TAFA4: variants seen among roughly 807,000 people sequenced by gnomAD.
TAFA4 encodes the protein chemokine-like protein TAFA-4.
TAFA4 carries 20 observed loss-of-function variants against 21.1 expected under a neutral mutation model. The observed-to-expected ratio is 0.95, with a 90% CI of 0.67 to 1.38. TAFA4 has a LOEUF of 1.38. Among genes scored for constraint, TAFA4 ranks in the 40% most tolerant of loss-of-function variants. The pLI, the probability that TAFA4 is intolerant of heterozygous loss-of-function variation, is 0.00. For synonymous variants in TAFA4, 71 were observed against 67.4 expected (o/e 1.05, Z -0.26); for missense variants, 211 against 180.9 (o/e 1.17, Z -0.95).
intron 3 of TAFA4, among the ~76,000 whole-genome samples, chr3:68,842,884 A>G (rs1243592942): frequency 6.6e-6 from 1 of 152,030 alleles, no homozygotes; most frequent in Non-Finnish European, 1.5e-5. Context: ...GTTCTGTTTC[A>G]TTGGTCTATG....
At chr3:68,764,265 T>C (rs944041510) in intron 3 of TAFA4, among the ~76,000 whole-genome samples, 8 of 152,008 alleles carry the variant, frequency 5.3e-5, no homozygotes, top group Non-Finnish European at 7.4e-5. Flanking sequence ...TGTGAAAACA[T>C]AGCAAAAAGA....
At chr3:68,817,904 T>G (rs1704024695) in intron 3 of TAFA4, among the ~76,000 whole-genome samples, 1 of 152,152 alleles carries the variant, frequency 6.6e-6, no homozygotes, top group Admixed American at 6.5e-5. Context: ...TTTTCAGGGT[T>G]GTAAATGAGC....
chr3:68,869,137 C>A (rs1418915911), intron 3 of TAFA4, among the ~76,000 whole-genome samples: 1 of 151,906 alleles, frequency 6.6e-6, no homozygotes, highest in Admixed American at 6.6e-5. Flanking sequence ...TGGACACATA[C>A]AACCTGCCAA....
At chr3:68,782,144 A>C (rs1330721738) in intron 3 of TAFA4, among the ~76,000 whole-genome samples, 1 of 152,226 alleles carries the variant, frequency 6.6e-6, no homozygotes, top group Non-Finnish European at 1.5e-5. Flanking sequence ...AAACTCTTAC[A>C]ACTCAACAAA....
rs1343562987 is a variant in TAFA4, at chr3:68,755,783, A to G, written c.131-2765T>C. On this transcript the variant is annotated intron_variant, in intron 3 of 5. Transcript: ENST00000295569. Reference sequence around the variant, plus strand: ...GCCGAGTCAGTAAACTTGCAAACAGACTCCTTGTGCAGGCCCCTCCCACAT... The same window carrying G: ...GCCGAGTCAGTAAACTTGCAAACAGGCTCCTTGTGCAGGCCCCTCCCACAT... Among the ~76,000 whole-genome samples, 14 of 151,968 alleles carry G rather than the reference A, an allele frequency of 9.2e-5. No individual in the cohort carries two copies. The East Asian group carries it at 2.7e-3, about 29-fold the overall frequency.
chr3:68,895,143 G>T (rs376674180), intron 1 of TAFA4, among the ~76,000 whole-genome samples: 2 of 151,998 alleles, frequency 1.3e-5, no homozygotes, highest in African/African-American at 2.4e-5. Context: ...GATTACAGGC[G>T]CCCGCCACCA....
intron 2 of TAFA4, among the ~76,000 whole-genome samples, chr3:68,881,882 A>G (rs1033190627): frequency 6.6e-6 from 1 of 152,204 alleles, no homozygotes; most frequent in African/African-American, 2.4e-5. Context: ...TGCCTCTACG[A>G]AAGTCCCAGT....
chr3:68,768,252 C>G (rs1702892369), intron 3 of TAFA4, among the ~76,000 whole-genome samples: 1 of 151,948 alleles, frequency 6.6e-6, no homozygotes, highest in Non-Finnish European at 1.5e-5. Flanking sequence ...AAACTCAACT[C>G]AATAGTAAAA....
At chr3:68,814,451 T>G (rs981530781) in intron 3 of TAFA4, among the ~76,000 whole-genome samples, 13 of 152,282 alleles carry the variant, frequency 8.5e-5, no homozygotes, top group Non-Finnish European at 1.5e-4. Context: ...CTTAAGCTGA[T>G]AGGCAACTTC....
chr3:68,898,717 C>T (rs1237351495), intron 1 of TAFA4, among the ~76,000 whole-genome samples: 13 of 152,148 alleles, frequency 8.5e-5, no homozygotes, highest in African/African-American at 1.7e-4. Flanking sequence ...AGCACTTTAT[C>T]GCTCATCTTG....
intron 3 of TAFA4, among the ~76,000 whole-genome samples, chr3:68,848,001 C>T (rs956854747): frequency 6.6e-6 from 1 of 152,242 alleles, no homozygotes; most frequent in African/African-American, 2.4e-5. Context: ...CTGCTGCTAA[C>T]AGCTATCACT....
rs192604244 is a variant in TAFA4, at chr3:68,901,782, A to C, written c.-122-16472T>G. Among the ~76,000 whole-genome samples, 144 of 152,278 alleles carry C rather than the reference A, an allele frequency of 9.5e-4. 2 individuals carry two copies. Among genetic ancestry groups the C allele is most frequent in the African/African-American group, 3.4e-3 (141 of 41,574 alleles). ...CAAAAGCTGACTTTGGCTGATACCA[A>C]ACACAGTGGAACACACTGGAAGGAG... is the stretch of plus-strand genomic sequence containing the variant. On this transcript the variant is annotated intron_variant, in intron 1 of 5. Coordinates refer to ENST00000295569, the MANE Select transcript of TAFA4 (RefSeq NM_182522.5).
chr3:68,793,614 G>C (rs1012896354), intron 3 of TAFA4, among the ~76,000 whole-genome samples: 2 of 152,190 alleles, frequency 1.3e-5, no homozygotes, highest in African/African-American at 4.8e-5. Flanking sequence ...ACAGTTAACT[G>C]AACTTCATGA....
intron 3 of TAFA4, among the ~76,000 whole-genome samples, chr3:68,810,472 C>A (rs920053481): frequency 3.9e-5 from 6 of 152,186 alleles, no homozygotes; most frequent in Non-Finnish European, 8.8e-5. Context: ...TCACTCCCAC[C>A]CTAATACTGC....
Position 68,828,810 on chromosome 3 carries a change from G to A in TAFA4, c.130+51920C>T, listed in dbSNP as rs138916913. Among the ~76,000 whole-genome samples, 25 of 152,174 alleles carry A rather than the reference G, an allele frequency of 1.6e-4. No individual in the cohort carries two copies. The Middle Eastern group carries it at 0.031, about 188-fold the overall frequency. On this transcript the variant is annotated intron_variant, in intron 3 of 5. Transcript: ENST00000295569. ...GATGGGGTTTTCTAAATATACAATC[G>A]TGTCATGTGCAAACAGAGACAATTT...
chr3:68,746,843 C>T (rs1016962521), intron 4 of TAFA4, among the ~76,000 whole-genome samples: 6 of 152,178 alleles, frequency 3.9e-5, no homozygotes, highest in African/African-American at 1.4e-4. Flanking sequence ...ACTTTGGGAA[C>T]CTCTAAGTCA....
chr3:68,851,655 C>T (rs1704953600), intron 3 of TAFA4, among the ~76,000 whole-genome samples: 1 of 152,082 alleles, frequency 6.6e-6, no homozygotes, highest in African/African-American at 2.4e-5. Context: ...TATCAATATG[C>T]ACACTCTCCC....
intron 3 of TAFA4, among the ~76,000 whole-genome samples, chr3:68,857,889 A>G (rs938919449): frequency 6.6e-6 from 1 of 152,164 alleles, no homozygotes; most frequent in African/African-American, 2.4e-5. Context: ...AATACAACAT[A>G]TTAAGCTCTG....
chr3:68,894,332 G>A lies in TAFA4; in HGVS notation c.-122-9022C>T, dbSNP rs1313310478. Among the ~76,000 whole-genome samples, 4 of 151,986 alleles carry A rather than the reference G, an allele frequency of 2.6e-5. No individual in the cohort carries two copies. The East Asian group carries it at 5.8e-4, about 22-fold the overall frequency. On this transcript the variant is annotated intron_variant, in intron 1 of 5. Coordinates refer to ENST00000295569, the MANE Select transcript of TAFA4 (RefSeq NM_182522.5). ...CATCCCCATGCCTGGCTCATTTTTT[G>A]TATTTTTAGTAGAGACAGGGTTTTG...
Sources: allele counts gnomAD v4.1 joint callset (sites outside exome capture counted in the v4.1 genomes callset), GRCh38; gene constraint gnomAD v4.1.1; transcripts MANE v1.5; gene names NCBI Gene and HGNC (gene_info 2026-07-23, HGNC 2026-07-21).